ZFHX3: variants seen among roughly 807,000 people sequenced by gnomAD.
The protein encoded by ZFHX3 is zinc finger homeobox protein 3.
Under a neutral mutation model 279.1 loss-of-function variants are expected in ZFHX3, and 42 were observed. That is an observed-to-expected ratio of 0.15 (90% CI 0.12 to 0.19). The LOEUF (loss-of-function observed/expected upper bound fraction) is 0.19. Ranked by LOEUF, ZFHX3 falls within the 10% of genes least tolerant of loss-of-function variation. The pLI is 1.00. For missense variants in ZFHX3, 4,981 were observed against 4,754.0 expected (o/e 1.05, Z -1.40); for synonymous variants, 2,293 against 1,957.8 (o/e 1.17, Z -4.52).
At chr16:72,854,522 C>A (rs2037700904) in intron 4 of ZFHX3, among the ~76,000 whole-genome samples, 1 of 152,160 alleles carries the variant, frequency 6.6e-6, no homozygotes, top group South Asian at 2.1e-4. Flanking sequence ...CCCATTCTGG[C>A]TCTTCACTAT....
intron 4 of ZFHX3, among the ~76,000 whole-genome samples, chr16:73,287,896 G>A (rs1251120526): frequency 3.9e-5 from 6 of 151,982 alleles, no homozygotes; most frequent in Non-Finnish European, 8.8e-5. Flanking sequence ...GGCTGTGTGG[G>A]TGTGAGCCGG....
At chr16:73,577,338 C>A (rs2051810816) in intron 2 of ZFHX3, among the ~76,000 whole-genome samples, 1 of 152,144 alleles carries the variant, frequency 6.6e-6, no homozygotes, top group Admixed American at 6.5e-5. Flanking sequence ...TAAAATGGCA[C>A]ACGGTCCTGG....
chr16:72,822,800 T>G (rs1408127656), intron 5 of ZFHX3, among the ~76,000 whole-genome samples: 2 of 149,026 alleles, frequency 1.3e-5, no homozygotes, highest in East Asian at 3.9e-4. Context: ...AGTGAGTTTT[T>G]TTTTTTTTTT....
chr16:73,227,394 T>C (rs571491246), intron 5 of ZFHX3, among the ~76,000 whole-genome samples: 180 of 152,298 alleles, frequency 1.2e-3, no homozygotes, highest in Middle Eastern at 0.01. Flanking sequence ...TTTCTACTTA[T>C]AGGAGAGAAA....
At chr16:72,916,033 C>T (rs181560267) in intron 3 of ZFHX3, among the ~76,000 whole-genome samples, 66 of 152,250 alleles carry the variant, frequency 4.3e-4, no homozygotes, top group Admixed American at 9.2e-4. Flanking sequence ...TTAATGGCAT[C>T]AGAAGCTGGA....
intron 7 of ZFHX3, among the ~76,000 whole-genome samples, chr16:73,117,799 T>G (rs1300249386): frequency 6.6e-6 from 1 of 152,134 alleles, no homozygotes; most frequent in East Asian, 1.9e-4. Flanking sequence ...ATTAGTGCCC[T>G]TATAAAAAAG....
intron 4 of ZFHX3, among the ~76,000 whole-genome samples, chr16:72,870,437 C>T (rs147872751): frequency 0.031 from 4,552 of 148,434 alleles, 220 homozygotes; most frequent in African/African-American, 0.11. Context: ...CGGCTGGGCA[C>T]GGTGGCTCAC....
At chr16:73,034,224 G>A (rs758801933) in intron 1 of ZFHX3, among the ~76,000 whole-genome samples, 5 of 152,026 alleles carry the variant, frequency 3.3e-5, no homozygotes, top group African/African-American at 1.2e-4. Flanking sequence ...CCTCCAATGG[G>A]AGACGCCCAC....
rs563152959 is a variant in ZFHX3, at chr16:73,534,308, G to A, written c.-1546-78050C>T. 5.0e-4 allele frequency among the ~76,000 whole-genome samples: 76 copies of A among 152,042 alleles called. 1 individual carries two copies. The highest frequency in any genetic ancestry group is 6.8e-3 in the Middle Eastern group (2 of 294). ...AAATATCCACAAAGGCAATGCTTTC[G>A]CCTCCTTCAACTCTTTGCTTAAATA... On this transcript the variant is annotated intron_variant, in intron 2 of 17. Transcript: ENST00000641206.
In ZFHX3 at chr16:73,550,933, G is replaced by A. The variant is rs189777304; in HGVS notation, c.-1546-94675C>T. Among the ~76,000 whole-genome samples, 9 of 152,338 alleles carry A rather than the reference G, an allele frequency of 5.9e-5. No individual in the cohort carries two copies. In the East Asian group the frequency reaches 1.7e-3, roughly 29 times the overall value. On this transcript the variant is annotated intron_variant, in intron 2 of 17. Coordinates refer to the ZFHX3 transcript ENST00000641206. The stretch of plus-strand genomic sequence containing the variant: ...AGCTAATTGCATTTCCCATTGATGG[G>A]AGCATTAGCCTAAAACAAACTTGAG...
intron 1 of ZFHX3, among the ~76,000 whole-genome samples, chr16:73,843,009 T>G (rs328374): frequency 0.48 from 72,685 of 152,134 alleles, 17,723 homozygotes; most frequent in Non-Finnish European, 0.53. Context: ...TAACACATTA[T>G]GTACAAAATA....
At chr16:73,520,269 T>C (rs935943075) in intron 2 of ZFHX3, among the ~76,000 whole-genome samples, 2 of 152,220 alleles carry the variant, frequency 1.3e-5, no homozygotes, top group African/African-American at 4.8e-5. Context: ...TGAAATCTCA[T>C]TTTCTGAACT....
chr16:73,568,693 C>T (rs948758095), intron 2 of ZFHX3, among the ~76,000 whole-genome samples: 4 of 152,200 alleles, frequency 2.6e-5, no homozygotes, highest in African/African-American at 7.2e-5. Flanking sequence ...TGCCATTGTG[C>T]GAGGCTGCAG....
At chr16:73,194,576 A>T (rs1968104721) in intron 5 of ZFHX3, among the ~76,000 whole-genome samples, 1 of 152,234 alleles carries the variant, frequency 6.6e-6, no homozygotes, top group Non-Finnish European at 1.5e-5. Context: ...AGTATCTGGT[A>T]TAATAAAATT....
intron 1 of ZFHX3, among the ~76,000 whole-genome samples, chr16:73,697,198 C>A (rs1185085099): frequency 6.7e-6 from 1 of 149,442 alleles, no homozygotes; most frequent in Non-Finnish European, 1.5e-5. Context: ...AGGAAAACAT[C>A]TATCATGAAT....
chr16:73,769,801 A>G (rs780093636), intron 1 of ZFHX3, among the ~76,000 whole-genome samples: 4 of 152,200 alleles, frequency 2.6e-5, no homozygotes, highest in Non-Finnish European at 5.9e-5. Context: ...TCCTAGGGTT[A>G]TTACCCATAA....
intron 1 of ZFHX3, among the ~76,000 whole-genome samples, chr16:73,734,793 A>C (rs1215832049): frequency 6.6e-6 from 1 of 152,202 alleles, no homozygotes; most frequent in Non-Finnish European, 1.5e-5. Flanking sequence ...GCTTTATGTG[A>C]AACATGCTAA....
intron 3 of ZFHX3, among the ~76,000 whole-genome samples, chr16:72,892,651 G>A (rs552207085): frequency 6.6e-6 from 1 of 152,014 alleles, no homozygotes. Flanking sequence ...GGGACTACAG[G>A]CATAAGCCAC....
chr16:73,674,762 GC>G (rs2052937524), intron 2 of ZFHX3, among the ~76,000 whole-genome samples: 1 of 152,130 alleles, frequency 6.6e-6, no homozygotes, highest in South Asian at 2.1e-4. Flanking sequence ...CTATCTTGCT[GC>G]TTTAGAAACC....
Sources: allele counts gnomAD v4.1 joint callset (sites outside exome capture counted in the v4.1 genomes callset), GRCh38; gene constraint gnomAD v4.1.1; transcripts MANE v1.5; gene names NCBI Gene and HGNC (gene_info 2026-07-23, HGNC 2026-07-21).